Variants in DPP6 observed in about 807,000 individuals in gnomAD.
DPP6 encodes dipeptidyl peptidase like 6.
DPP6 carries 69 observed loss-of-function variants against 122.6 expected under a neutral mutation model. The ratio of observed to expected loss-of-function variants is 0.56; its 90% confidence interval spans 0.46 to 0.69. The LOEUF is 0.69. Ranked by LOEUF, DPP6 falls within the 30% of genes least tolerant of loss-of-function variation. DPP6 has a pLI of 0.00. For missense variants in DPP6, 928 were observed against 1,116.9 expected, an observed-to-expected ratio of 0.83 and a Z score of 2.41; for synonymous variants, 418 against 433.1, an observed-to-expected ratio of 0.97 and a Z score of 0.43.
chr7:153,874,305 G>A, the DPP6 span, among the ~76,000 whole-genome samples: 1 of 150,846 alleles, frequency 6.6e-6, no homozygotes, highest in Non-Finnish European at 1.5e-5. Flanking sequence ...AATAACAGAA[G>A]AACCAGAAAG....
intron 7 of DPP6, among the ~76,000 whole-genome samples, chr7:154,705,351 T>C (rs537532829): frequency 3.9e-5 from 6 of 152,348 alleles, no homozygotes; most frequent in African/African-American, 1.4e-4. Context: ...TCCTGCTATT[T>C]TCCTTTCCTG....
At chr7:154,098,542 T>C (rs2150564770) in intron 1 of DPP6, among the ~76,000 whole-genome samples, 1 of 151,806 alleles carries the variant, frequency 6.6e-6, no homozygotes, top group South Asian at 2.1e-4. Flanking sequence ...ACAAAGACTT[T>C]GTCTAACACA....
chr7:154,682,215 G>A (rs78584577), intron 7 of DPP6, among the ~76,000 whole-genome samples: 2 of 152,188 alleles, frequency 1.3e-5, no homozygotes, highest in Non-Finnish European at 2.9e-5. Context: ...CTGGATTTTC[G>A]AGTCAGACAT....
At chr7:153,911,215 G>A (rs953041469) in intron 1 of DPP6, among the ~76,000 whole-genome samples, 2 of 152,100 alleles carry the variant, frequency 1.3e-5, no homozygotes, top group Non-Finnish European at 2.9e-5. Flanking sequence ...CCCTGAAACC[G>A]TCTTCACCCA....
the DPP6 span, among the ~76,000 whole-genome samples, chr7:153,843,294 A>G: frequency 6.6e-6 from 1 of 152,112 alleles, no homozygotes; most frequent in Non-Finnish European, 1.5e-5. Context: ...ACACACACAC[A>G]CACACTTCTT....
At chr7:154,420,775 A>G (rs754896402) in intron 1 of DPP6, among the ~76,000 whole-genome samples, 16 of 152,310 alleles carry the variant, frequency 1.1e-4, no homozygotes, top group Non-Finnish European at 2.4e-4. Flanking sequence ...TCCACAATGT[A>G]TACATCCATC....
intron 1 of DPP6, among the ~76,000 whole-genome samples, chr7:154,061,632 C>A (rs1801909580): frequency 7.1e-6 from 1 of 140,726 alleles, no homozygotes; most frequent in Non-Finnish European, 1.6e-5. Flanking sequence ...GGGGAGGCAC[C>A]CGCTGCGAGG....
Position 154,578,046 on chromosome 7 carries a change from GTTAAC to G in DPP6, c.627+11135_627+11139del, listed in dbSNP as rs1449955251. Among the ~76,000 whole-genome samples, 3 of 152,310 alleles carry G rather than the reference GTTAAC, an allele frequency of 2.0e-5. No homozygotes were observed. In the South Asian group the frequency reaches 6.2e-4, roughly 32 times the overall value. ...TGTGGAGAAGATAATTTCACAACAT[GTTAAC>G]TTAAGATGCCAGCCATAGCATTACC... On this transcript the variant is annotated intron_variant, in intron 5 of 25. Coordinates refer to ENST00000377770, the MANE Select transcript of DPP6 (RefSeq NM_130797.4).
intron 1 of DPP6, among the ~76,000 whole-genome samples, chr7:154,338,359 A>G (rs937145867): frequency 6.6e-6 from 1 of 152,174 alleles, no homozygotes; most frequent in Non-Finnish European, 1.5e-5. Context: ...TACCTGAAGC[A>G]TAATAAAAGC....
At chr7:154,361,577 A>C (rs1390861971) in intron 1 of DPP6, among the ~76,000 whole-genome samples, 7 of 151,556 alleles carry the variant, frequency 4.6e-5, no homozygotes, top group African/African-American at 1.5e-4. Flanking sequence ...CACCTGAGCA[A>C]AGAAATCTTG....
the DPP6 span, among the ~76,000 whole-genome samples, chr7:153,878,260 C>T: frequency 6.6e-6 from 1 of 151,922 alleles, no homozygotes; most frequent in Non-Finnish European, 1.5e-5. Context: ...AAACATATAC[C>T]TTCTAATAAA....
chr7:154,872,269 C>A (rs1325178417), intron 18 of DPP6, among the ~76,000 whole-genome samples: 2 of 152,048 alleles, frequency 1.3e-5, no homozygotes, highest in African/African-American at 2.4e-5. Context: ...CTGAGAGATG[C>A]CTTTGTTGCC....
At chr7:154,346,079 A>C (rs1422947761) in intron 1 of DPP6, among the ~76,000 whole-genome samples, 1 of 152,106 alleles carries the variant, frequency 6.6e-6, no homozygotes, top group Admixed American at 6.5e-5. Flanking sequence ...CCAATCCTTG[A>C]GAAAATGGGC....
At chr7:153,982,684 C>T (rs1272409281) in intron 1 of DPP6, among the ~76,000 whole-genome samples, 1 of 152,270 alleles carries the variant, frequency 6.6e-6, no homozygotes, top group East Asian at 1.9e-4. Context: ...ATGGATTTCT[C>T]TACCTTTGGT....
intron 6 of DPP6, among the ~76,000 whole-genome samples, chr7:154,659,863 CT>C (rs1837502197): frequency 6.6e-6 from 1 of 152,206 alleles, no homozygotes; most frequent in Non-Finnish European, 1.5e-5. Context: ...CCTCTTTGGA[CT>C]ATGGTAGAGT....
chr7:154,668,857 T>A (rs1475563055), intron 6 of DPP6, among the ~76,000 whole-genome samples: 1 of 152,138 alleles, frequency 6.6e-6, no homozygotes. Flanking sequence ...ATCTTTCAAT[T>A]TATCCCCTTC....
chr7:154,332,963 C>T (rs76769708), intron 1 of DPP6, among the ~76,000 whole-genome samples: 2,220 of 152,150 alleles, frequency 0.015, 62 homozygotes, highest in African/African-American at 0.05. Flanking sequence ...GGATCTCAGG[C>T]GCGGGAGGCT....
the DPP6 span, among the ~76,000 whole-genome samples, chr7:153,774,980 A>C: frequency 6.6e-6 from 1 of 151,912 alleles, no homozygotes; most frequent in Non-Finnish European, 1.5e-5. Context: ...TCTTGGAAAA[A>C]AAAAAAGTAA....
intron 1 of DPP6, among the ~76,000 whole-genome samples, chr7:153,927,407 A>G (rs1005809031): frequency 1.3e-5 from 2 of 152,256 alleles, no homozygotes; most frequent in African/African-American, 4.8e-5. Context: ...ACTTTGTAAA[A>G]TGTGATATAT....
Sources: allele counts gnomAD v4.1 joint callset (sites outside exome capture counted in the v4.1 genomes callset), GRCh38; gene constraint gnomAD v4.1.1; transcripts MANE v1.5; gene names NCBI Gene and HGNC (gene_info 2026-07-23, HGNC 2026-07-21).